Variants in LIMCH1 observed in about 807,000 individuals in gnomAD.
LIMCH1 encodes LIM and calponin homology domains-containing protein 1.
A neutral mutation model predicts 176.5 loss-of-function variants in LIMCH1; 113 were observed. The ratio of observed to expected loss-of-function variants is 0.64; its 90% CI spans 0.55 to 0.75. The LOEUF is 0.75. LIMCH1 is among the 30% of genes least tolerant of loss of function. The probability of loss-of-function intolerance (pLI) is 0.00; values close to 1 mark genes in which losing one functional copy is unlikely to be tolerated. For missense variants in LIMCH1, 1,674 were observed against 1,814.9 expected, an observed-to-expected ratio of 0.92 and a Z score of 1.41; for synonymous variants, 619 against 645.9, an observed-to-expected ratio of 0.96 and a Z score of 0.63.
In LIMCH1 at chr4:41,699,002, A is replaced by G. The variant is rs947564130; in HGVS notation, c.*1817A>G. ...AATAAAAATAAAAAAAGAAAAAAAGAAAAAATTAAAAAGAAAAATTGTTTT... is the reference window on the plus strand; with the variant it reads ...AATAAAAATAAAAAAAGAAAAAAAGGAAAAATTAAAAAGAAAAATTGTTTT... On this transcript the variant is annotated 3_prime_UTR_variant, in exon 32 of 32. Coordinates refer to ENST00000503057, the MANE Select transcript of LIMCH1 (RefSeq NM_001330672.2). 6.6e-6 allele frequency: 1 copy of G among 151,902 alleles called. No individual in the cohort carries two copies. The highest frequency in any genetic ancestry group is 1.5e-5 in the Non-Finnish European group (1 of 67,684). The allele number at this position is 151,902 out of a possible 1,614,324, so 9.4% of individuals were successfully genotyped here. A position where few individuals can be genotyped will look rare whatever the true frequency, so the allele number is the denominator to read the frequency against.
chr4:41,671,733 C>A, intron 22 of LIMCH1, 139 bp downstream of exon 22: 1 of 634,082 alleles, frequency 1.6e-6, no homozygotes. Flanking sequence ...GAGGGTGAGG[C>A]GGGTGGATCA....
intron 1 of LIMCH1, among the ~76,000 whole-genome samples, chr4:41,433,667 G>A (rs2061798910): frequency 6.9e-6 from 1 of 145,470 alleles, no homozygotes; most frequent in Non-Finnish European, 1.5e-5. Flanking sequence ...AGCAGAAGCT[G>A]TTAGTCTTCT....
At chr4:41,527,227 G>T (rs1317374175) in intron 3 of LIMCH1, among the ~76,000 whole-genome samples, 1 of 152,130 alleles carries the variant, frequency 6.6e-6, no homozygotes, top group Non-Finnish European at 1.5e-5. Flanking sequence ...GTTAATACTC[G>T]AGAGAGATAA....
At chr4:41,547,735 A>T (rs2079702762) in intron 1 of LIMCH1, among the ~76,000 whole-genome samples, 1 of 145,704 alleles carries the variant, frequency 6.9e-6, no homozygotes, top group Non-Finnish European at 1.5e-5. Flanking sequence ...TATATAATAT[A>T]TACATAAATA....
In LIMCH1 at chr4:41,692,348, C is replaced by A; in HGVS notation, c.4342C>A (p.Leu1448Ile). The A allele has an allele frequency of 4.3e-6, 7 of 1,613,132 alleles. No individual in the cohort carries two copies. The highest frequency in any genetic ancestry group is 5.9e-6 in the Non-Finnish European group (7 of 1,179,258). Residue 1448 changes from leucine (L) to isoleucine (I), a missense_variant, in exon 31 of 32, where the codon CTC becomes ATC. Leu to Ile is a conservative substitution (Grantham distance 5). Around this residue, in one of 3 missense-constraint regions of LIMCH1, gnomAD observed 1,015 missense variants for 1,102.5 expected, o/e 0.92. Coordinates refer to ENST00000503057, the MANE Select transcript of LIMCH1 (RefSeq NM_001330672.2). ...GACGGATGTTAGGATTCGAAATGGT[C>A]TCCTGAACTGTAATGATTGCTACAT... ...SGTDVRIRNG[L>I]LNCNDCYMRS...
At chr4:41,588,086 T>C (rs1189718543) in intron 1 of LIMCH1, among the ~76,000 whole-genome samples, 1 of 151,474 alleles carries the variant, frequency 6.6e-6, no homozygotes, top group African/African-American at 2.4e-5. Context: ...CCCTCCCCCT[T>C]CCCCCCACCC....
intron 18 of LIMCH1, among the ~76,000 whole-genome samples, chr4:41,652,356 G>A (rs867993177): frequency 1.3e-5 from 2 of 152,086 alleles, no homozygotes; most frequent in Admixed American, 1.3e-4. Flanking sequence ...TCTCACCATG[G>A]TAACACGTTT....
chr4:41,670,631 C>T (rs2094981788), intron 21 of LIMCH1: 1 of 935,718 alleles, frequency 1.1e-6, no homozygotes, highest in Non-Finnish European at 1.6e-6. Flanking sequence ...AGCCAAACTC[C>T]CTATAGTACT....
intron 1 of LIMCH1, among the ~76,000 whole-genome samples, chr4:41,436,707 A>G (rs979185612): frequency 2.0e-5 from 3 of 152,182 alleles, no homozygotes; most frequent in Non-Finnish European, 2.9e-5. Flanking sequence ...GGTCCTTCCC[A>G]AGGAGCCTTC....
intron 1 of LIMCH1, among the ~76,000 whole-genome samples, chr4:41,540,682 T>C (rs528252128): frequency 6.6e-6 from 1 of 152,072 alleles, no homozygotes; most frequent in Non-Finnish European, 1.5e-5. Flanking sequence ...GAGGTTACAG[T>C]GAGCTGAGAT....
At chr4:41,362,959 T>C (rs1292910925) in intron 1 of LIMCH1, among the ~76,000 whole-genome samples, 12 of 152,194 alleles carry the variant, frequency 7.9e-5, no homozygotes. Context: ...TAATGGGGCA[T>C]GCGTGGCTTT....
chr4:41,687,998 C>A, intron 29 of LIMCH1, 81 bp downstream of exon 29: 1 of 1,118,208 alleles, frequency 8.9e-7, no homozygotes, highest in Non-Finnish European at 1.4e-6. Context: ...TGAATTAGTG[C>A]TTGCCAAATG....
intron 1 of LIMCH1, among the ~76,000 whole-genome samples, chr4:41,410,078 CT>C (rs2059345989): frequency 2.0e-5 from 3 of 152,106 alleles, no homozygotes; most frequent in Admixed American, 1.3e-4. Flanking sequence ...ATATCTTATG[CT>C]ACCCAAATCC....
At chr4:41,506,641 A>G (rs1373119812) in intron 2 of LIMCH1, among the ~76,000 whole-genome samples, 1 of 152,202 alleles carries the variant, frequency 6.6e-6, no homozygotes, top group Non-Finnish European at 1.5e-5. Context: ...AAATGAGGAT[A>G]CTGTTATGAC....
At chr4:41,533,496 C>T (rs1055678504), upstream of LIMCH1, among the ~76,000 whole-genome samples, 4 of 152,162 alleles carry the variant, frequency 2.6e-5, no homozygotes, top group Non-Finnish European at 4.4e-5. Context: ...CACAGTTTTC[C>T]TTGGTTAACC....
chr4:41,594,201 G>A lies in LIMCH1; in HGVS notation c.-240-4719G>A, dbSNP rs115170105. On this transcript the variant is annotated intron_variant, in intron 1 of 31. Coordinates refer to ENST00000503057, the MANE Select transcript of LIMCH1 (RefSeq NM_001330672.2). ...ATTTAGTTTTTCCTTTGGGATCTGGGGTCTAATCAAAGATCATACATTGCA... is the reference window on the plus strand; with the variant it reads ...ATTTAGTTTTTCCTTTGGGATCTGGAGTCTAATCAAAGATCATACATTGCA... Among the ~76,000 whole-genome samples, 925 of 152,016 alleles carry A rather than the reference G, an allele frequency of 6.1e-3. 11 individuals carry two copies. Among genetic ancestry groups the A allele is most frequent in the African/African-American group, 0.021 (868 of 41,432 alleles).
chr4:41,644,470 C>G, intron 14 of LIMCH1, 30 bp from the exon 15 acceptor site: 3 of 1,475,624 alleles, frequency 2.0e-6, no homozygotes, highest in Non-Finnish European at 2.7e-6. Flanking sequence ...TGATCGCGGT[C>G]CCTCTTGTGT....
At chr4:41,440,547 G>C (rs1426775401) in intron 1 of LIMCH1, among the ~76,000 whole-genome samples, 1 of 151,864 alleles carries the variant, frequency 6.6e-6, no homozygotes, top group Non-Finnish European at 1.5e-5. Context: ...TTATTTCTTT[G>C]TTTGAGACAG....
At position 41,699,222 on chromosome 4, in the gene LIMCH1, A is replaced by G. The variant is rs1428607237; in HGVS notation, c.*2037A>G. On this transcript the variant is annotated 3_prime_UTR_variant, in exon 32 of 32. Coordinates refer to ENST00000503057, the MANE Select transcript of LIMCH1 (RefSeq NM_001330672.2). ...ACATGTGCAACTCCATCCGTTATGTAAGGATTACATGAATATTGCACATTC... is the reference window on the plus strand; with the variant it reads ...ACATGTGCAACTCCATCCGTTATGTGAGGATTACATGAATATTGCACATTC... 1 of 152,152 alleles carries G rather than the reference A, an allele frequency of 6.6e-6. No individual in the cohort carries two copies. Among genetic ancestry groups the G allele is most frequent in the Non-Finnish European group, 1.5e-5 (1 of 68,028 alleles). The allele number at this position is 152,152 out of a possible 1,614,324, so 9.4% of individuals were successfully genotyped here.
Sources: allele counts gnomAD v4.1 joint callset (sites outside exome capture counted in the v4.1 genomes callset), GRCh38; gene constraint gnomAD v4.1.1; regional missense constraint gnomAD v4.1.1; transcripts MANE v1.5; gene names NCBI Gene and HGNC (gene_info 2026-07-23, HGNC 2026-07-21).